POU2F1: variants seen among roughly 807,000 people sequenced by gnomAD.
POU2F1 encodes the protein POU class 2 homeobox 1, also known as POU domain, class 2, transcription factor 1.
Under a neutral mutation model 84.9 loss-of-function variants are expected in POU2F1, and 16 were observed. That is an observed-to-expected ratio of 0.19 (90% CI 0.13 to 0.29). The LOEUF (loss-of-function observed/expected upper bound fraction) is 0.29. Ranked by LOEUF, POU2F1 falls within the 10% of genes least tolerant of loss-of-function variation. The pLI is 1.00. For missense variants in POU2F1, 738 were observed against 942.6 expected (o/e 0.78, Z 2.84); for synonymous variants, 368 against 368.3 (o/e 1.00, Z 0.01).
At chr1:167,298,100 T>C (rs946335506) in intron 1 of POU2F1, among the ~76,000 whole-genome samples, 2 of 152,044 alleles carry the variant, frequency 1.3e-5, no homozygotes, top group African/African-American at 4.8e-5. Context: ...CATTCCAGCC[T>C]GGGCAACAAG....
At chr1:167,229,860 G>T (rs1466764215) in intron 1 of POU2F1, among the ~76,000 whole-genome samples, 1 of 152,138 alleles carries the variant, frequency 6.6e-6, no homozygotes, top group East Asian at 1.9e-4. Context: ...TACAGTGGAG[G>T]TGTTGCATTG....
chr1:167,246,925 ATTAGT>A (rs1650361215), intron 1 of POU2F1, among the ~76,000 whole-genome samples: 2 of 152,190 alleles, frequency 1.3e-5, no homozygotes, highest in African/African-American at 4.8e-5. Flanking sequence ...CAGTAAATCG[ATTAGT>A]TTATACTTTT....
chr1:167,242,264 T>C (rs1275954125), intron 1 of POU2F1, among the ~76,000 whole-genome samples: 1 of 152,254 alleles, frequency 6.6e-6, no homozygotes, highest in African/African-American at 2.4e-5. Flanking sequence ...TCGGCCTGTT[T>C]AGTGACAGTC....
chr1:167,300,344 A>G (rs1654598315), intron 1 of POU2F1, among the ~76,000 whole-genome samples: 1 of 152,232 alleles, frequency 6.6e-6, no homozygotes, highest in Non-Finnish European at 1.5e-5. Flanking sequence ...TTATGGGTTC[A>G]ATAGAAGCCA....
At chr1:167,285,865 A>G (rs757667534) in intron 1 of POU2F1, among the ~76,000 whole-genome samples, 10 of 152,186 alleles carry the variant, frequency 6.6e-5, no homozygotes, top group Non-Finnish European at 1.3e-4. Context: ...GTGGCAGTTG[A>G]GCTAGAACTT....
chr1:167,375,153 T>C (rs1291884672), intron 6 of POU2F1, among the ~76,000 whole-genome samples: 1 of 152,184 alleles, frequency 6.6e-6, no homozygotes, highest in African/African-American at 2.4e-5. Flanking sequence ...GAAGAGTTAT[T>C]ATGAGTCTAA....
intron 15 of POU2F1, 74 bp downstream of exon 15, chr1:167,413,188 T>A: frequency 8.3e-7 from 1 of 1,203,214 alleles, no homozygotes; most frequent in Non-Finnish European, 1.2e-6. Context: ...TGTGTGTGTG[T>A]GCTTGAGACA....
intron 2 of POU2F1, among the ~76,000 whole-genome samples, chr1:167,341,643 A>T (rs548027977): frequency 1.3e-5 from 2 of 152,170 alleles, no homozygotes; most frequent in African/African-American, 4.8e-5. Context: ...CTCTGGCCAC[A>T]TGATAGTGTC....
intron 1 of POU2F1, among the ~76,000 whole-genome samples, chr1:167,245,109 A>G (rs1469943522): frequency 6.6e-6 from 1 of 152,244 alleles, no homozygotes; most frequent in Non-Finnish European, 1.5e-5. Flanking sequence ...CCCTTCAGTG[A>G]AACTTTTTTT....
intron 1 of POU2F1, among the ~76,000 whole-genome samples, chr1:167,281,446 C>T (rs959080000): frequency 3.9e-5 from 6 of 152,184 alleles, no homozygotes; most frequent in Non-Finnish European, 7.3e-5. Flanking sequence ...CAGCAACTGA[C>T]GGTTTGCCAA....
chr1:167,308,844 T>C (rs1393073120), intron 1 of POU2F1, among the ~76,000 whole-genome samples: 2 of 152,328 alleles, frequency 1.3e-5, no homozygotes, highest in East Asian at 1.9e-4. Context: ...ACTGAACTTA[T>C]TACTGTGATG....
At chr1:167,223,220 G>C (rs570446476) in intron 1 of POU2F1, among the ~76,000 whole-genome samples, 1 of 152,242 alleles carries the variant, frequency 6.6e-6, no homozygotes, top group East Asian at 1.9e-4. Context: ...ATAAACATAG[G>C]CATTGCGTTT....
chr1:167,387,683 C>T (rs1648085535), intron 8 of POU2F1, among the ~76,000 whole-genome samples: 2 of 152,166 alleles, frequency 1.3e-5, no homozygotes. Context: ...TATAATCGCT[C>T]ACCTGGGCTA....
intron 1 of POU2F1, among the ~76,000 whole-genome samples, chr1:167,295,114 T>A (rs1201746717): frequency 1.4e-5 from 2 of 148,024 alleles, no homozygotes; most frequent in African/African-American, 2.5e-5. Context: ...AGAGCAAGAC[T>A]CCATCTCAAA....
rs919294894 is a variant in POU2F1 at position 167,310,408 on chromosome 1, A to C, written c.62-22062A>C. Among the ~76,000 whole-genome samples the C allele has an allele frequency of 5.9e-5, 9 of 152,246 alleles. No individual in the cohort carries two copies. The South Asian group carries it at 1.2e-3, about 21-fold the overall frequency. On this transcript the variant is annotated intron_variant, in intron 1 of 15. Transcript: ENST00000367866. The stretch of plus-strand genomic sequence containing the variant: ...AAAAAATGAAATGAAAATCCTATCT[A>C]TTTCTTTTCATAAGTGACATACCTA...
At chr1:167,349,602 TAATG>T (rs1658425296) in intron 2 of POU2F1, among the ~76,000 whole-genome samples, 1 of 152,210 alleles carries the variant, frequency 6.6e-6, no homozygotes, top group Admixed American at 6.5e-5. Context: ...ATTAATCAGT[TAATG>T]AATAGGCCTG....
At chr1:167,380,429 G>A (rs957218415) in intron 7 of POU2F1, 1 of 152,232 alleles carries the variant, frequency 6.6e-6, no homozygotes, top group African/African-American at 2.4e-5. Flanking sequence ...CTCAGAGAAT[G>A]AAAAGGTTGT....
At position 167,412,231 on chromosome 1, in the gene POU2F1, G is replaced by A. The variant is rs1483832523; in HGVS notation, c.1828G>A (p.Ala610Thr). The change falls in exon 14 of 16, where the codon GCC becomes ACC. Residue 610 changes from alanine to threonine, a missense_variant. This residue lies in a region of POU2F1 where 319 missense variants were observed against 386.0 expected (regional missense o/e 0.83). Coordinates refer to ENST00000367866, the MANE Select transcript of POU2F1 (RefSeq NM_002697.4). ...AGGAGCTGCACAGTTGCCAGCAAAT[G>A]CCAGTCTTGCTGCCATGGCAGCTGC... ...LQGAAQLPAN[A>T]SLAAMAAAAG... is the part of the protein sequence containing the mutation. 1 of 1,604,870 alleles carries A rather than the reference G, an allele frequency of 6.2e-7. No individual in the cohort carries two copies. The highest frequency in any genetic ancestry group is 8.5e-7 in the Non-Finnish European group (1 of 1,175,442).
chr1:167,333,464 TA>T (rs1003382803), intron 2 of POU2F1, among the ~76,000 whole-genome samples: 14 of 152,188 alleles, frequency 9.2e-5, no homozygotes, highest in African/African-American at 1.7e-4. Context: ...CTTATCATTT[TA>T]AAAATGCTTA....
Sources: gnomAD v4.1 joint callset for allele counts (sites outside exome capture counted in the v4.1 genomes callset) on GRCh38, gnomAD v4.1.1 for gene constraint, gnomAD v4.1.1 regional missense constraint, MANE v1.5 for transcripts, NCBI Gene and HGNC (gene_info 2026-07-23, HGNC 2026-07-21) for gene names.